The following CCBE1 variants were observed in gnomAD, a reference collection of about 807,000 sequenced individuals.
CCBE1 encodes collagen and calcium binding EGF domains 1.
In CCBE1, 37 loss-of-function variants were observed where a neutral mutation model predicts 50.0. The ratio of observed to expected loss-of-function variants is 0.74; its 90% CI spans 0.57 to 0.97. The LOEUF (loss-of-function observed/expected upper bound fraction) is 0.97, where lower values mean the gene tolerates loss of function less well. CCBE1 is among the 50% of genes least tolerant of loss of function. CCBE1 has a pLI of 0.00. For synonymous variants in CCBE1, 234 were observed against 203.7 expected (o/e 1.15, Z -1.27); for missense variants, 538 against 523.8 (o/e 1.03, Z -0.26).
intron 2 of CCBE1, among the ~76,000 whole-genome samples, chr18:59,482,350 G>A (rs1239056670): frequency 6.6e-6 from 1 of 152,210 alleles, no homozygotes; most frequent in Non-Finnish European, 1.5e-5. Context: ...GTTGGTAGGA[G>A]TGTAAATTAG....
intron 2 of CCBE1, among the ~76,000 whole-genome samples, chr18:59,502,359 G>A (rs889502515): frequency 6.6e-6 from 1 of 152,316 alleles, no homozygotes; most frequent in African/African-American, 2.4e-5. Flanking sequence ...TGTGTGTGAG[G>A]TAAGAGTCAT....
chr18:59,442,878 TG>T (rs1158428124), intron 7 of CCBE1, among the ~76,000 whole-genome samples: 2 of 152,170 alleles, frequency 1.3e-5, no homozygotes, highest in African/African-American at 4.8e-5. Flanking sequence ...CCCCTTTACA[TG>T]GGGTGAGTGC....
intron 9 of CCBE1, among the ~76,000 whole-genome samples, chr18:59,438,393 T>A (rs570050454): frequency 3.3e-5 from 5 of 152,340 alleles, no homozygotes; most frequent in Non-Finnish European, 7.3e-5. Flanking sequence ...AAGAGGAATG[T>A]TCATATTTCC....
At chr18:59,693,582 A>AT (rs1379864249) in intron 2 of CCBE1, among the ~76,000 whole-genome samples, 1 of 152,220 alleles carries the variant, frequency 6.6e-6, no homozygotes, top group Non-Finnish European at 1.5e-5. Flanking sequence ...CTAATACAGC[A>AT]TATGAACTAC....
chr18:59,458,898 A>G (rs1329588438), intron 5 of CCBE1, among the ~76,000 whole-genome samples: 2 of 152,268 alleles, frequency 1.3e-5, no homozygotes, highest in Non-Finnish European at 2.9e-5. Flanking sequence ...CTGACGCAGA[A>G]GTACACAGCA....
chr18:59,657,885 C>T (rs1027310942), intron 2 of CCBE1, among the ~76,000 whole-genome samples: 2 of 150,510 alleles, frequency 1.3e-5, no homozygotes, highest in Non-Finnish European at 2.9e-5. Context: ...CAACAAACAA[C>T]AACAAACAAC....
chr18:59,546,803 A>C (rs1915702184), intron 2 of CCBE1, among the ~76,000 whole-genome samples: 1 of 152,156 alleles, frequency 6.6e-6, no homozygotes, highest in Non-Finnish European at 1.5e-5. Context: ...TTGTGTCTAT[A>C]GTAATTTAAA....
At chr18:59,498,783 T>C (rs1314127093) in intron 2 of CCBE1, among the ~76,000 whole-genome samples, 1 of 152,178 alleles carries the variant, frequency 6.6e-6, no homozygotes, top group Non-Finnish European at 1.5e-5. Flanking sequence ...GTGGGTTCCA[T>C]GAGAGAGAAG....
In CCBE1 at chr18:59,471,011, C is replaced by T. The variant is rs73963221; in HGVS notation, c.266-1404G>A. Among the ~76,000 whole-genome samples the T allele has an allele frequency of 2.5e-3, 388 of 152,354 alleles. 4 individuals carry two copies. Among genetic ancestry groups the T allele is most frequent in the African/African-American group, 9.0e-3 (374 of 41,588 alleles). The stretch of plus-strand genomic sequence containing the variant: ...ACCCTGCAAACTGTCTCTGGCTACA[C>T]GTTTCCCCCACTTGGCATCGCCTCT... On this transcript the variant is annotated intron_variant, in intron 3 of 10. Coordinates refer to ENST00000439986, the MANE Select transcript of CCBE1 (RefSeq NM_133459.4).
intron 2 of CCBE1, among the ~76,000 whole-genome samples, chr18:59,510,845 G>A (rs1428740644): frequency 6.6e-6 from 1 of 152,196 alleles, no homozygotes. Context: ...GACTAGTTAA[G>A]ATGGTCTTAA....
chr18:59,536,662 G>A (rs1331270733), intron 2 of CCBE1, among the ~76,000 whole-genome samples: 1 of 152,054 alleles, frequency 6.6e-6, no homozygotes, highest in Non-Finnish European at 1.5e-5. Flanking sequence ...TATTCAACAG[G>A]CATCTCCATT....
At chr18:59,560,155 A>G (rs1477962258) in intron 2 of CCBE1, among the ~76,000 whole-genome samples, 2 of 152,248 alleles carry the variant, frequency 1.3e-5, no homozygotes, top group African/African-American at 4.8e-5. Flanking sequence ...AGCAGGCACA[A>G]GCCCTACAGG....
chr18:59,508,740 G>A (rs915529913), intron 2 of CCBE1, among the ~76,000 whole-genome samples: 1 of 89,048 alleles, frequency 1.1e-5, no homozygotes, highest in Non-Finnish European at 2.1e-5. Context: ...TTTTGAGGCA[G>A]GGTCTTACTC....
At chr18:59,638,011 A>C (rs889379016) in intron 2 of CCBE1, among the ~76,000 whole-genome samples, 4 of 152,190 alleles carry the variant, frequency 2.6e-5, no homozygotes, top group Non-Finnish European at 4.4e-5. Context: ...TGGATAACAA[A>C]ACCAAAGACA....
chr18:59,557,055 G>A (rs865947853), intron 2 of CCBE1, among the ~76,000 whole-genome samples: 2 of 152,144 alleles, frequency 1.3e-5, no homozygotes, highest in South Asian at 2.1e-4. Flanking sequence ...GGCACCAGGT[G>A]CAGCTCACAG....
chr18:59,684,828 A>G (rs1487152729), intron 2 of CCBE1, among the ~76,000 whole-genome samples: 1 of 152,208 alleles, frequency 6.6e-6, no homozygotes, highest in Non-Finnish European at 1.5e-5. Flanking sequence ...CACAGAAAGC[A>G]TTATGTTGTG....
chr18:59,696,614 A>G lies in CCBE1; in HGVS notation c.212+15T>C. ...GTGCGCAGTGGCGAACAGCCCGCAG[A>G]GCCCCCAGGCTTACCTGTAGCATGT... On this transcript the variant is annotated intron_variant, in intron 2 of 10. Coordinates refer to ENST00000439986, the MANE Select transcript of CCBE1 (RefSeq NM_133459.4). 6.2e-7 allele frequency: 1 copy of G among 1,613,576 alleles called. No individual in the cohort carries two copies. Among genetic ancestry groups the G allele is most frequent in the Non-Finnish European group, 8.5e-7 (1 of 1,179,892 alleles).
At chr18:59,494,049 C>G (rs1345339988) in intron 2 of CCBE1, among the ~76,000 whole-genome samples, 1 of 152,174 alleles carries the variant, frequency 6.6e-6, no homozygotes. Context: ...CATCAAACCT[C>G]TTTCTTCCCA....
intron 2 of CCBE1, among the ~76,000 whole-genome samples, chr18:59,551,449 A>G (rs1039643875): frequency 6.6e-6 from 1 of 152,224 alleles, no homozygotes; most frequent in Non-Finnish European, 1.5e-5. Flanking sequence ...GACTTTATGA[A>G]CACTCTACAC....
Sources: gnomAD v4.1 joint callset for allele counts (sites outside exome capture counted in the v4.1 genomes callset) on GRCh38, gnomAD v4.1.1 for gene constraint, MANE v1.5 for transcripts, NCBI Gene and HGNC (gene_info 2026-07-23, HGNC 2026-07-21) for gene names.